RPS6KA2: variants seen among roughly 807,000 people sequenced by gnomAD.
The protein encoded by RPS6KA2 is ribosomal protein S6 kinase A2.
In RPS6KA2, 42 loss-of-function variants were observed where a neutral mutation model predicts 91.8. The observed-to-expected ratio is 0.46, with a 90% confidence interval of 0.36 to 0.59. The LOEUF is 0.59. RPS6KA2 is among the 20% of genes least tolerant of loss of function. RPS6KA2 has a pLI of 0.00. For synonymous variants in RPS6KA2, 414 were observed against 393.6 expected (o/e 1.05, Z -0.61); for missense variants, 798 against 978.5 (o/e 0.82, Z 2.46).
intron 1 of RPS6KA2, among the ~76,000 whole-genome samples, chr6:166,540,921 T>G (rs2128495695): frequency 1.3e-5 from 2 of 152,340 alleles, no homozygotes; most frequent in Admixed American, 1.3e-4. Context: ...ACATGTATGC[T>G]ATCTTTTCCC....
intron 2 of RPS6KA2, among the ~76,000 whole-genome samples, chr6:166,804,547 A>G (rs1393186010): frequency 6.6e-6 from 1 of 151,888 alleles, no homozygotes; most frequent in Non-Finnish European, 1.5e-5. Flanking sequence ...GCTTTCTGTT[A>G]TAGATAAATA....
Position 166,413,853 on chromosome 6 carries a change from C to A in RPS6KA2, c.2017G>T (p.Val673Phe). 1 of 1,614,194 alleles carries A rather than the reference C, an allele frequency of 6.2e-7. No individual in the cohort carries two copies. Among genetic ancestry groups the A allele is most frequent in the East Asian group, 2.2e-5 (1 of 44,888 alleles). The change falls in exon 20 of 21, where the codon GTC becomes TTC. Residue 673 changes from valine (V) to phenylalanine (F), a missense_variant. Val to Phe is a conservative substitution (Grantham distance 50). Coordinates refer to ENST00000265678, the MANE Select transcript of RPS6KA2 (RefSeq NM_021135.6). ...TTTGGGGACAGGTACTCTCTGTTGA[C>A]CACCCACGGGTGTTTGAGCACTTGC... The part of the protein sequence containing the change: ...AMQVLKHPWV[V>F]NREYLSPNQL...
At chr6:166,438,397 G>A (rs1317564946) in intron 14 of RPS6KA2, among the ~76,000 whole-genome samples, 1 of 152,240 alleles carries the variant, frequency 6.6e-6, no homozygotes, top group Non-Finnish European at 1.5e-5. Flanking sequence ...CCGCGCTCCA[G>A]GCCTGCGTGG....
chr6:166,702,295 G>A, intron 2 of RPS6KA2: 3 of 1,613,478 alleles, frequency 1.9e-6, no homozygotes, highest in Middle Eastern at 1.7e-4. Flanking sequence ...GCCTTGAGGA[G>A]CCCCTCTGCC....
At chr6:166,641,582 G>A (rs1307344308) in intron 2 of RPS6KA2, among the ~76,000 whole-genome samples, 1 of 151,344 alleles carries the variant, frequency 6.6e-6, no homozygotes, top group Non-Finnish European at 1.5e-5. Context: ...AAATCAGCCA[G>A]TGTAGTGGTG....
chr6:166,479,759 C>G (rs1012770891), intron 10 of RPS6KA2, among the ~76,000 whole-genome samples: 1 of 152,198 alleles, frequency 6.6e-6, no homozygotes, highest in Non-Finnish European at 1.5e-5. Context: ...CCCGTCCCTC[C>G]GGGGAGAAGC....
chr6:166,780,804 T>C (rs1022560213), intron 2 of RPS6KA2, among the ~76,000 whole-genome samples: 1 of 152,204 alleles, frequency 6.6e-6, no homozygotes, highest in Non-Finnish European at 1.5e-5. Context: ...AAAAAGTGTG[T>C]CTGCAACATT....
intron 2 of RPS6KA2, among the ~76,000 whole-genome samples, chr6:166,752,982 A>G (rs1228639282): frequency 6.6e-6 from 1 of 152,210 alleles, no homozygotes; most frequent in Non-Finnish European, 1.5e-5. Flanking sequence ...CCTACCGACT[A>G]TAAGCAATTT....
chr6:166,576,504 G>C (rs1265898143), intron 1 of RPS6KA2, among the ~76,000 whole-genome samples: 1 of 152,190 alleles, frequency 6.6e-6, no homozygotes, highest in Non-Finnish European at 1.5e-5. Flanking sequence ...AACTTGTTGG[G>C]AACTGGAGCA....
intron 2 of RPS6KA2, among the ~76,000 whole-genome samples, chr6:166,775,035 C>T (rs900853979): frequency 6.6e-6 from 1 of 152,102 alleles, no homozygotes; most frequent in African/African-American, 2.4e-5. Flanking sequence ...CCTGCACCTG[C>T]GCTCAGCATC....
Position 166,783,046 on chromosome 6 carries a change from AGGT to A in RPS6KA2, c.123+75151_123+75153del, listed in dbSNP as rs1203739498. On this transcript the variant is annotated intron_variant, in intron 2 of 21. Coordinates refer to the RPS6KA2 transcript ENST00000503859. The stretch of plus-strand genomic sequence containing the variant: ...CTAAACTTGCTGCAGGGTATCTTTT[AGGT>A]ATTATTATTATTATTATTATTATTA... Among the ~76,000 whole-genome samples, 602 of 139,918 alleles carry A rather than the reference AGGT, an allele frequency of 4.3e-3. 5 individuals are homozygous for A. Among genetic ancestry groups the A allele is most frequent in the African/African-American group, 0.015 (575 of 37,192 alleles). 91.8% of individuals were successfully genotyped at this position (139,918 alleles called of 152,430 possible). A position where few individuals can be genotyped will look rare whatever the true frequency, so the allele number is the denominator to read the frequency against.
chr6:166,826,909 A>G (rs1269279583), intron 2 of RPS6KA2, among the ~76,000 whole-genome samples: 1 of 152,174 alleles, frequency 6.6e-6, no homozygotes, highest in Non-Finnish European at 1.5e-5. Context: ...GAATTATATA[A>G]CTGATTATGT....
rs114976401 is a variant in RPS6KA2 at position 166,459,291 on chromosome 6, C to T, written c.1075+158G>A. Reference sequence around the variant, plus strand: ...GGGGCTATCACTTAAACCTTTATCACTGAGCAGAGAAAACAACAACAAAAA... The same window carrying T: ...GGGGCTATCACTTAAACCTTTATCATTGAGCAGAGAAAACAACAACAAAAA... On this transcript the variant is annotated intron_variant, in intron 12 of 20. Coordinates refer to ENST00000265678, the MANE Select transcript of RPS6KA2 (RefSeq NM_021135.6). The surrounding 1 kb of genome is among the most constrained non-coding windows in gnomAD (Gnocchi z 4.9). Among the ~76,000 whole-genome samples the T allele has an allele frequency of 6.3e-3, 955 of 152,274 alleles. 13 individuals carry two copies. The highest frequency in any genetic ancestry group is 0.022 in the African/African-American group (897 of 41,538).
intron 2 of RPS6KA2, among the ~76,000 whole-genome samples, chr6:166,774,092 AG>A (rs1442906381): frequency 6.6e-6 from 1 of 152,202 alleles, no homozygotes; most frequent in Admixed American, 6.5e-5. Context: ...GAAATGTGAA[AG>A]GCAGGCACCA....
At chr6:166,643,803 A>T (rs181388807) in intron 2 of RPS6KA2, among the ~76,000 whole-genome samples, 27 of 152,354 alleles carry the variant, frequency 1.8e-4, no homozygotes, top group Admixed American at 1.3e-4. Context: ...GTGCCCTGGC[A>T]GATGCTCTTA....
chr6:166,524,296 A>C (rs1349128198), intron 3 of RPS6KA2, among the ~76,000 whole-genome samples: 1 of 152,182 alleles, frequency 6.6e-6, no homozygotes, highest in Non-Finnish European at 1.5e-5. Flanking sequence ...TTAGGCATGA[A>C]AACCCAGGTG....
At chr6:166,417,422 C>CCAAT (rs1337761035) in intron 19 of RPS6KA2, among the ~76,000 whole-genome samples, 2 of 152,186 alleles carry the variant, frequency 1.3e-5, no homozygotes, top group Non-Finnish European at 1.5e-5. Context: ...TCAGCCTCAT[C>CCAAT]CAATCAGTGG....
chr6:166,790,072 G>A (rs977713079), intron 2 of RPS6KA2, among the ~76,000 whole-genome samples: 7 of 152,246 alleles, frequency 4.6e-5, no homozygotes, highest in African/African-American at 1.7e-4. Context: ...CTGAGCTACA[G>A]AAGGAAATTC....
chr6:166,608,274 C>A (rs1024220975), intron 1 of RPS6KA2, among the ~76,000 whole-genome samples: 1 of 152,266 alleles, frequency 6.6e-6, no homozygotes, highest in African/African-American at 2.4e-5. Flanking sequence ...GAAACAGAGT[C>A]CCCCAGAGGG....
Sources: gnomAD v4.1 joint callset for allele counts (sites outside exome capture counted in the v4.1 genomes callset) on GRCh38, gnomAD v4.1.1 for gene constraint, Gnocchi (gnomAD v3.1) non-coding constraint, MANE v1.5 for transcripts, NCBI Gene and HGNC (gene_info 2026-07-23, HGNC 2026-07-21) for gene names.